Variants in KIAA0586 observed in about 807,000 individuals in gnomAD.
KIAA0586 encodes the protein protein TALPID3.
KIAA0586 carries 144 observed loss-of-function variants against 169.8 expected under a neutral mutation model. That is an observed-to-expected ratio of 0.85 (90% CI 0.74 to 0.97). The LOEUF (loss-of-function observed/expected upper bound fraction) is 0.97. Among genes scored for constraint, KIAA0586 ranks in the 50% least tolerant of loss-of-function variants. The pLI is 0.00. For synonymous variants in KIAA0586, 625 were observed against 612.4 expected, an observed-to-expected ratio of 1.02 and a Z score of -0.30; for missense variants, 1,854 against 1,823.0, an observed-to-expected ratio of 1.02 and a Z score of -0.31.
At chr14:58,487,753 A>G (rs1839675331) in intron 22 of KIAA0586, 134 bp from the exon 23 acceptor site, 1 of 612,242 alleles carries the variant, frequency 1.6e-6, no homozygotes, top group African/African-American at 1.8e-5. Flanking sequence ...CATTGTCATT[A>G]TTATTATTAA....
intron 29 of KIAA0586, among the ~76,000 whole-genome samples, chr14:58,530,076 G>T (rs1261356564): frequency 6.6e-6 from 1 of 152,094 alleles, no homozygotes; most frequent in African/African-American, 2.4e-5. Flanking sequence ...GCCAAATCGT[G>T]AGTGAACTCC....
At chr14:58,524,330 T>C (rs551973902) in intron 29 of KIAA0586, among the ~76,000 whole-genome samples, 1 of 152,328 alleles carries the variant, frequency 6.6e-6, no homozygotes, top group South Asian at 2.1e-4. Flanking sequence ...TTATTATGCA[T>C]ATAGGATGAA....
chr14:58,453,451 TG>T lies in KIAA0586; in HGVS notation c.1233del (p.Trp411Ter). On this transcript the variant is annotated frameshift_variant, in exon 9 of 31. Coordinates refer to ENST00000652326, the MANE Select transcript of KIAA0586 (RefSeq NM_001329943.3). LOFTEE classifies it high-confidence loss of function. ...TTSLTRSKIGWTPEKTNRFPS... is the reference protein window; with the variant it reads ...TTSLTRSKIGXTPEKTNRFPS... Reference sequence around the variant, plus strand: ...CTCACTAACTAGGTCAAAAATAGGATGGACTCCTGAGAAAACAAACAGGTAA... The same window carrying T: ...CTCACTAACTAGGTCAAAAATAGGATGACTCCTGAGAAAACAAACAGGTAA... The T allele has an allele frequency of 6.6e-7, 1 of 1,518,866 alleles. No individual in the cohort carries two copies. The highest frequency in any genetic ancestry group is 8.8e-7 in the Non-Finnish European group (1 of 1,135,782). 94.1% of individuals were successfully genotyped at this position (1,518,866 alleles called of 1,614,324 possible). A position where few individuals can be genotyped will look rare whatever the true frequency, so the allele number is the denominator to read the frequency against.
chr14:58,504,227 A>G (rs1477309686), intron 27 of KIAA0586, among the ~76,000 whole-genome samples: 3 of 152,178 alleles, frequency 2.0e-5, no homozygotes, highest in Admixed American at 6.5e-5. Context: ...ACCTGATGAG[A>G]CATTATTCAG....
At chr14:58,473,343 C>A (rs2041368187) in intron 18 of KIAA0586, among the ~76,000 whole-genome samples, 1 of 152,010 alleles carries the variant, frequency 6.6e-6, no homozygotes, top group South Asian at 2.1e-4. Flanking sequence ...CGGATAAATG[C>A]AATTCATGTT....
At chr14:58,427,516 G>C (rs2036914963), upstream of KIAA0586, 2 of 1,419,580 alleles carry the variant, frequency 1.4e-6, no homozygotes, top group Non-Finnish European at 1.9e-6. Context: ...GGTCTTGTGC[G>C]GCAATGTGCT....
chr14:58,527,002 G>A (rs949028630), intron 29 of KIAA0586, among the ~76,000 whole-genome samples: 1 of 152,002 alleles, frequency 6.6e-6, no homozygotes, highest in African/African-American at 2.4e-5. Context: ...GTTTAGAGAA[G>A]AACATAAATG....
At chr14:58,464,158 A>C (rs897347987) in intron 14 of KIAA0586, 1 of 385,994 alleles carries the variant, frequency 2.6e-6, no homozygotes, top group Non-Finnish European at 5.2e-6. Context: ...TGCCACACAA[A>C]AGAGTTGAGG....
chr14:58,441,343 G>C lies in KIAA0586; in HGVS notation c.411-1363G>C, dbSNP rs570489575. ...AGCCTCCCGAGTAGCTGGGACTACAGGTGTGTGCCACCACACCTGGCTAAT... is the reference window on the plus strand; with the variant it reads ...AGCCTCCCGAGTAGCTGGGACTACACGTGTGTGCCACCACACCTGGCTAAT... On this transcript the variant is annotated intron_variant, in intron 4 of 30. Transcript: ENST00000652326. 7.6e-5 allele frequency: 33 copies of C among 433,264 alleles called. No homozygotes were observed. Among genetic ancestry groups the C allele is most frequent in the African/African-American group, 5.7e-4 (28 of 48,940 alleles). The allele number at this position is 433,264 out of a possible 1,614,324, so 26.8% of individuals were successfully genotyped here. A position where few individuals can be genotyped will look rare whatever the true frequency, so the allele number is the denominator to read the frequency against.
chr14:58,524,058 G>A (rs768177768), intron 29 of KIAA0586, among the ~76,000 whole-genome samples: 12 of 151,940 alleles, frequency 7.9e-5, no homozygotes, highest in Non-Finnish European at 1.5e-4. Flanking sequence ...TACCCTTTTT[G>A]TTCATATAAT....
intron 29 of KIAA0586, chr14:58,537,350 G>A (rs1203842583): frequency 5.4e-6 from 1 of 185,148 alleles, no homozygotes; most frequent in East Asian, 1.9e-4. Flanking sequence ...AACCATTTAT[G>A]TACCCTTCCT....
chr14:58,453,549 T>C lies in KIAA0586; in HGVS notation c.1253+76T>C, dbSNP rs949375049. The C allele has an allele frequency of 1.3e-5, 13 of 1,028,352 alleles. No individual in the cohort carries two copies. In the East Asian group the frequency reaches 1.3e-4, roughly 10 times the overall value. 63.7% of individuals were successfully genotyped at this position (1,028,352 alleles called of 1,614,324 possible). A position where few individuals can be genotyped will look rare whatever the true frequency, so the allele number is the denominator to read the frequency against. The stretch of plus-strand genomic sequence containing the variant: ...GATTTTTCAAATTTCTTTGGGACTT[T>C]TAATAAATTATAGCATTGCTTCTTA... On this transcript the variant is annotated intron_variant, in intron 9 of 30. Coordinates refer to ENST00000652326, the MANE Select transcript of KIAA0586 (RefSeq NM_001329943.3).
rs200802348 is a variant in KIAA0586, at chr14:58,547,750, G to A, written c.4496-31G>A. 11 of 1,601,242 alleles carry A rather than the reference G, an allele frequency of 6.9e-6. No homozygotes were observed. The African/African-American group carries it at 1.2e-4, about 18-fold the overall frequency. ...GCACGTAAATACTCAGGTTACGCAT[G>A]TTGAGCTGAATGAGCTTCTCCTTTG... On this transcript the variant is annotated intron_variant, in intron 30 of 30. Transcript: ENST00000652326.
At chr14:58,475,379 C>A (rs1023499812) in intron 19 of KIAA0586, among the ~76,000 whole-genome samples, 5 of 152,050 alleles carry the variant, frequency 3.3e-5, no homozygotes, top group African/African-American at 1.2e-4. Context: ...TCTATCCCCC[C>A]ACCCCCTACC....
intron 5 of KIAA0586, among the ~76,000 whole-genome samples, chr14:58,443,112 C>G (rs547018707): frequency 2.4e-4 from 36 of 152,360 alleles, no homozygotes; most frequent in African/African-American, 8.4e-4. Flanking sequence ...AGTTTTAGCA[C>G]TGAGAGTCCT....
chr14:58,494,297 G>C (rs1396221238), intron 26 of KIAA0586, among the ~76,000 whole-genome samples: 4 of 131,560 alleles, frequency 3.0e-5, no homozygotes, highest in African/African-American at 1.1e-4. Flanking sequence ...CGTTTATTGT[G>C]TTTTTCATAC....
intron 20 of KIAA0586, among the ~76,000 whole-genome samples, chr14:58,479,622 C>G (rs2041890514): frequency 6.6e-6 from 1 of 151,870 alleles, no homozygotes; most frequent in East Asian, 1.9e-4. Context: ...AGATAGTTTC[C>G]TATGTTTTCT....
intron 16 of KIAA0586, among the ~76,000 whole-genome samples, chr14:58,469,366 C>T (rs1030959344): frequency 6.6e-6 from 1 of 152,196 alleles, no homozygotes; most frequent in Non-Finnish European, 1.5e-5. Flanking sequence ...GCAGGGAACT[C>T]CCAACATGAA....
At chr14:58,555,012 A>G (rs1369077404), downstream of KIAA0586, among the ~76,000 whole-genome samples, 1 of 152,076 alleles carries the variant, frequency 6.6e-6, no homozygotes, top group African/African-American at 2.4e-5. Flanking sequence ...CAGTCACTGA[A>G]TAGAAGTAGG....
Sources: gnomAD v4.1 joint callset for allele counts (sites outside exome capture counted in the v4.1 genomes callset) on GRCh38, gnomAD v4.1.1 for gene constraint, MANE v1.5 for transcripts, NCBI Gene and HGNC (gene_info 2026-07-23, HGNC 2026-07-21) for gene names.